The following NYX variants were observed in gnomAD, a reference collection of about 807,000 sequenced individuals.
The protein encoded by NYX is nyctalopin, also known as leucine-rich repeat protein.
For synonymous variants in NYX, 258 were observed against 245.7 expected (o/e 1.05, Z -0.47); for missense variants, 481 against 485.4 (o/e 0.99, Z 0.09).
chrX:41,461,708 T>C (rs2064320718), intron 2 of NYX, among the ~76,000 whole-genome samples: 1 of 111,662 alleles, frequency 9.0e-6, no homozygotes, highest in Non-Finnish European at 1.9e-5. Flanking sequence ...TTTTTTGATT[T>C]TTTGATTATG....
chrX:41,473,665 G>C lies in NYX; in HGVS notation c.197G>C (p.Arg66Pro). 9.0e-7 allele frequency: 1 copy of C among 1,112,142 alleles called. No individual in the cohort carries two copies. Among genetic ancestry groups the C allele is most frequent in the Non-Finnish European group, 1.2e-6 (1 of 851,003 alleles). 91.7% of individuals were successfully genotyped at this position (1,112,142 alleles called of 1,213,427 possible). The change falls in exon 3 of 3, where the codon CGG becomes CCG. Residue 66 changes from arginine (R) to proline (P), a missense_variant. Arg to Pro is a moderately radical substitution (Grantham distance 103). Coordinates refer to ENST00000378220, the MANE Select transcript of NYX (RefSeq NM_001378477.3). ...GAGGCGGTCTCCATCGACCTGGACC[G>C]GAACGGCCTGCGCTTCCTGGGCGAG... is the stretch of plus-strand genomic sequence containing the variant. ...PCEAVSIDLD[R>P]NGLRFLGERA...
At chrX:41,455,586 C>G (rs1189907787) in intron 2 of NYX, among the ~76,000 whole-genome samples, 1 of 109,948 alleles carries the variant, frequency 9.1e-6, no homozygotes, top group East Asian at 2.9e-4. Context: ...GAGTAGGGAC[C>G]TGTCATGAGC....
At chrX:41,463,814 C>A (rs777133353) in intron 2 of NYX, among the ~76,000 whole-genome samples, 1 of 110,631 alleles carries the variant, frequency 9.0e-6, no homozygotes, top group African/African-American at 3.3e-5. Flanking sequence ...GGTGATCCAC[C>A]CCCCCATCGG....
At chrX:41,447,712 C>T in intron 1 of NYX, 137 bp from the exon 2 acceptor site, 1 of 499,481 alleles carries the variant, frequency 2.0e-6, no homozygotes, top group South Asian at 2.8e-5. Flanking sequence ...TTCCCTTAGC[C>T]CAACACCAGG....
intron 2 of NYX, among the ~76,000 whole-genome samples, chrX:41,465,992 T>A (rs2064336655): frequency 9.0e-6 from 1 of 111,612 alleles, no homozygotes; most frequent in Admixed American, 9.6e-5. Flanking sequence ...ATACTAACTT[T>A]GTGGCTCCTC....
chrX:41,474,515 C>G lies in NYX; in HGVS notation c.1047C>G (p.Ser349=), dbSNP rs1476784689. 3 of 1,205,593 alleles carry G rather than the reference C, an allele frequency of 2.5e-6. No individual in the cohort carries two copies. Among genetic ancestry groups the G allele is most frequent in the Non-Finnish European group, 3.4e-6 (3 of 894,363 alleles). The change falls in exon 3 of 3, where the codon TCC becomes TCG. Residue 349 remains serine, a synonymous_variant. Coordinates refer to ENST00000378220, the MANE Select transcript of NYX (RefSeq NM_001378477.3). ...LEWLRDWMEG[S]GRVTDVPCAS... is the part of the protein sequence containing the mutation. ...GGCTGAGGGACTGGATGGAGGGCTC[C>G]GGACGTGTCACCGACGTGCCGTGCG...
intron 2 of NYX, among the ~76,000 whole-genome samples, chrX:41,454,357 G>A (rs943443159): frequency 1.8e-5 from 2 of 110,584 alleles, no homozygotes; most frequent in African/African-American, 3.3e-5. Context: ...CTGTCGCTCA[G>A]GCTGGAGTGC....
At chrX:41,460,268 A>G (rs898102770) in intron 2 of NYX, among the ~76,000 whole-genome samples, 11 of 108,937 alleles carry the variant, frequency 1.0e-4, no homozygotes, top group African/African-American at 3.7e-4. Flanking sequence ...CCTGGGTTCA[A>G]GCGATTCTCC....
Position 41,473,970 on chromosome X carries a change from C to T in NYX, c.502C>T (p.Arg168Cys), listed in dbSNP as rs1344804585. ...CGCCGCCTTCGACAACCTGTTCCGC[C>T]GCGTGCCGGGCGCGCTGCGCGGCCT... The part of the protein sequence containing the change: ...ELAAFDNLFR[R>C]VPGALRGLAN... The change falls in exon 3 of 3, where the codon CGC becomes TGC. Residue 168 changes from arginine (R) to cysteine (C), a missense_variant. Physicochemically the swap from Arg to Cys is radical, Grantham distance 180 (BLOSUM62 -3). Transcript: ENST00000378220. 1.8e-6 allele frequency: 2 copies of T among 1,085,694 alleles called. No individual in the cohort carries two copies. The highest frequency in any genetic ancestry group is 2.4e-6 in the Non-Finnish European group (2 of 839,591). 89.5% of individuals were successfully genotyped at this position (1,085,694 alleles called of 1,213,427 possible). A position where few individuals can be genotyped will look rare whatever the true frequency, so the allele number is the denominator to read the frequency against.
At chrX:41,462,810 C>T (rs1156779179) in intron 2 of NYX, among the ~76,000 whole-genome samples, 1 of 111,231 alleles carries the variant, frequency 9.0e-6, no homozygotes, top group Non-Finnish European at 1.9e-5. Context: ...GGATTATTTT[C>T]TTATTGAGTT....
rs1348917780 is a variant in NYX at position 41,463,389 on chromosome X, C to G, written c.23-10102C>G. 8.5e-5 allele frequency among the ~76,000 whole-genome samples: 9 copies of G among 106,001 alleles called. No individual in the cohort carries two copies. In the Admixed American group the frequency reaches 9.4e-4, roughly 11 times the overall value. The allele number at this position is 106,001 out of a possible 115,157, so 92.0% of individuals were successfully genotyped here. On this transcript the variant is annotated intron_variant, in intron 2 of 2. Coordinates refer to ENST00000378220, the MANE Select transcript of NYX (RefSeq NM_001378477.3). Reference sequence around the variant, plus strand: ...ATTTTTGTTTTAAATAGTCACTTGTCTTTTAAGCAATTAAGGTGAGAAATA... The same window carrying G: ...ATTTTTGTTTTAAATAGTCACTTGTGTTTTAAGCAATTAAGGTGAGAAATA...
chrX:41,474,264 C>T lies in NYX; in HGVS notation c.796C>T (p.Arg266Cys), dbSNP rs369077278. 1.3e-4 allele frequency: 161 copies of T among 1,204,003 alleles called. No homozygotes were observed. In the Middle Eastern group the frequency reaches 3.9e-3, roughly 29 times the overall value. Reference sequence around the variant, plus strand: ...TGGCAACGCGCTGGACCGCGTGGCGCGCGCCTGGTTCGCTGACCTGGCCGA... The same window carrying T: ...TGGCAACGCGCTGGACCGCGTGGCGTGCGCCTGGTTCGCTGACCTGGCCGA... ...LGGNALDRVA[R>C]AWFADLAELE... The change falls in exon 3 of 3, where the codon CGC becomes TGC. Residue 266 changes from arginine (R) to cysteine (C), a missense_variant. Arg to Cys is a radical substitution (Grantham distance 180, BLOSUM62 -3). Transcript: ENST00000378220.
At chrX:41,452,596 C>T (rs956393995) in intron 2 of NYX, among the ~76,000 whole-genome samples, 5 of 111,341 alleles carry the variant, frequency 4.5e-5, no homozygotes, top group Non-Finnish European at 9.4e-5. Context: ...CCCCTATTGT[C>T]GGGTGTTTGT....
At chrX:41,459,267 GT>G (rs2064309541) in intron 2 of NYX, among the ~76,000 whole-genome samples, 1 of 111,180 alleles carries the variant, frequency 9.0e-6, no homozygotes, top group African/African-American at 3.3e-5. Flanking sequence ...TGTAGGTCTT[GT>G]TCTGTTGAGC....
rs776029387 is a variant in NYX at position 41,474,706 on chromosome X, C to G, written c.1238C>G (p.Ser413Cys). The change falls in exon 3 of 3, where the codon TCC becomes TGC. Residue 413 changes from serine to cysteine, a missense_variant. By Grantham distance (112) the Ser-to-Cys change is moderately radical. Transcript: ENST00000378220. Reference protein sequence around the residue: ...TTVSRFSSLLSKLLAPRVPVE... With the variant: ...TTVSRFSSLLCKLLAPRVPVE... ...GTGAGCAGGTTCAGCAGCCTCCTCT[C>G]CAAGCTGCTGGCCCCGAGGGTCCCG... is the stretch of plus-strand genomic sequence containing the variant. 237 of 1,196,644 alleles carry G rather than the reference C, an allele frequency of 2.0e-4. 1 individual carries two copies. The Admixed American group carries it at 3.2e-3, about 16-fold the overall frequency.
intron 2 of NYX, chrX:41,472,456 G>A: frequency 1.0e-6 from 1 of 965,556 alleles, no homozygotes. Context: ...GGCCGCGGAG[G>A]TAACGATCCC....
At chrX:41,460,876 A>ATTTTTTTTT (rs59383905) in intron 2 of NYX, among the ~76,000 whole-genome samples, 4 of 24,777 alleles carry the variant, frequency 1.6e-4, no homozygotes, top group African/African-American at 6.1e-4. Context: ...CACAGTATGT[A>ATTTTTTTTT]TTTTTTTTTT....
chrX:41,461,227 A>T lies in NYX; in HGVS notation c.23-12264A>T, dbSNP rs1308902287. 2.8e-5 allele frequency among the ~76,000 whole-genome samples: 3 copies of T among 107,769 alleles called. No individual in the cohort carries two copies. The Admixed American group carries it at 3.1e-4, about 11-fold the overall frequency. The allele number at this position is 107,769 out of a possible 115,157, so 93.6% of individuals were successfully genotyped here. A position where few individuals can be genotyped will look rare whatever the true frequency, so the allele number is the denominator to read the frequency against. On this transcript the variant is annotated intron_variant, in intron 2 of 2. Coordinates refer to ENST00000378220, the MANE Select transcript of NYX (RefSeq NM_001378477.3). ...CATTGTATCATTCTCATGCCTTTGC[A>T]TCCTTATAGCTTAGCTCCCACTTAT...
chrX:41,450,710 A>G (rs1158497049), intron 2 of NYX, among the ~76,000 whole-genome samples: 1 of 101,778 alleles, frequency 9.8e-6, no homozygotes, highest in Non-Finnish European at 2.0e-5. Flanking sequence ...CAGTGGTACT[A>G]TCTCGACTCA....
Sources: gnomAD v4.1 joint callset for allele counts (sites outside exome capture counted in the v4.1 genomes callset) on GRCh38, gnomAD v4.1.1 for gene constraint, MANE v1.5 for transcripts, NCBI Gene and HGNC (gene_info 2026-07-23, HGNC 2026-07-21) for gene names.